Variants in KDM3B observed in about 807,000 individuals in gnomAD.
KDM3B encodes the protein lysine-specific demethylase 3B.
KDM3B carries 10 observed loss-of-function variants against 170.0 expected under a neutral mutation model. That is an observed-to-expected ratio of 0.06 (90% CI 0.04 to 0.10). The LOEUF (loss-of-function observed/expected upper bound fraction) is 0.10. KDM3B is among the 10% of genes least tolerant of loss of function. The pLI, the probability that KDM3B is intolerant of heterozygous loss-of-function variation, is 1.00. For missense variants in KDM3B, 1,394 were observed against 2,195.2 expected (o/e 0.64, Z 7.29); for synonymous variants, 831 against 834.8 (o/e 1.00, Z 0.08).
At chr5:138,365,270 C>CT (rs1359558754) in intron 1 of KDM3B, among the ~76,000 whole-genome samples, 1 of 151,506 alleles carries the variant, frequency 6.6e-6, no homozygotes, top group African/African-American at 2.4e-5. Flanking sequence ...TTCTTTCTTT[C>CT]TTTTTATGAG....
intron 15 of KDM3B, among the ~76,000 whole-genome samples, chr5:138,421,191 A>G (rs1763264449): frequency 6.6e-6 from 1 of 152,228 alleles, no homozygotes; most frequent in African/African-American, 2.4e-5. Flanking sequence ...TCAGCAGAAA[A>G]GTTAATACAT....
chr5:138,373,637 G>T (rs1005215507), intron 2 of KDM3B, among the ~76,000 whole-genome samples: 1 of 151,570 alleles, frequency 6.6e-6, no homozygotes, highest in Admixed American at 6.6e-5. Flanking sequence ...CGCACAGCAC[G>T]GCACCCAGCC....
intron 20 of KDM3B, among the ~76,000 whole-genome samples, chr5:138,428,952 T>A (rs1763464314): frequency 6.8e-6 from 1 of 146,790 alleles, no homozygotes; most frequent in Non-Finnish European, 1.5e-5. Context: ...TTTTTTTTTT[T>A]TTTTTTTTTT....
rs1761362345 is a variant in KDM3B at position 138,352,885 on chromosome 5, G to A, written c.90G>A (p.Ala30=). The change falls in exon 1 of 24, where the codon GCG becomes GCA. Residue 30 remains alanine (A), a synonymous_variant. Coordinates refer to ENST00000314358, the MANE Select transcript of KDM3B (RefSeq NM_016604.4). ...TAASASASAP[A]AAAASGDPGP... ...CCTCAGCCTCGGCCTCGGCTCCCGC[G>A]GCGGCAGCGGCGAGCGGAGATCCGG... 3 of 1,375,862 alleles carry A rather than the reference G, an allele frequency of 2.2e-6. No individual in the cohort carries two copies. The highest frequency in any genetic ancestry group is 1.5e-5 in the African/African-American group (1 of 65,980). 85.2% of individuals were successfully genotyped at this position (1,375,862 alleles called of 1,614,324 possible).
intron 1 of KDM3B, among the ~76,000 whole-genome samples, chr5:138,367,217 C>T (rs1436328074): frequency 6.6e-6 from 1 of 152,204 alleles, no homozygotes; most frequent in African/African-American, 2.4e-5. Flanking sequence ...CTGTTGGGCT[C>T]ATCTAGGGTG....
chr5:138,354,359 C>A (rs12153795), intron 1 of KDM3B, among the ~76,000 whole-genome samples: 2,479 of 152,286 alleles, frequency 0.016, 39 homozygotes, highest in Middle Eastern at 0.051. Context: ...CTCTATTCCT[C>A]TGCGCTTTCT....
At chr5:138,354,400 G>A (rs1474936986) in intron 1 of KDM3B, among the ~76,000 whole-genome samples, 1 of 152,194 alleles carries the variant, frequency 6.6e-6, no homozygotes, top group South Asian at 2.1e-4. Flanking sequence ...GAAAAGAAGT[G>A]TCCATTTCAG....
intron 16 of KDM3B, 56 bp downstream of exon 16, chr5:138,424,397 C>A: frequency 1.3e-6 from 2 of 1,553,914 alleles, no homozygotes; most frequent in Non-Finnish European, 1.7e-6. Flanking sequence ...ACCACAGATA[C>A]CTGGACAATT....
At chr5:138,371,619 A>G (rs1761878084) in intron 1 of KDM3B, among the ~76,000 whole-genome samples, 1 of 152,160 alleles carries the variant, frequency 6.6e-6, no homozygotes, top group South Asian at 2.1e-4. Context: ...TGTTGTGACT[A>G]CAGCAAGTGT....
intron 11 of KDM3B, among the ~76,000 whole-genome samples, chr5:138,414,791 A>G (rs1561787904): frequency 6.6e-6 from 1 of 152,128 alleles, no homozygotes; most frequent in African/African-American, 2.4e-5. Context: ...CTCCATCTCT[A>G]CAAAAAAATA....
chr5:138,428,830 G>C (rs1763459356), intron 20 of KDM3B, among the ~76,000 whole-genome samples: 1 of 151,564 alleles, frequency 6.6e-6, no homozygotes, highest in Non-Finnish European at 1.5e-5. Context: ...TATACTTCCT[G>C]CCATCTCAGT....
At chr5:138,357,824 A>G (rs1054144913) in intron 1 of KDM3B, among the ~76,000 whole-genome samples, 6 of 151,252 alleles carry the variant, frequency 4.0e-5, no homozygotes, top group African/African-American at 7.3e-5. Context: ...GGTTCAACCA[A>G]TTCTTCTGCC....
intron 11 of KDM3B, among the ~76,000 whole-genome samples, chr5:138,400,960 C>T (rs1762671223): frequency 1.3e-5 from 2 of 151,450 alleles, no homozygotes; most frequent in African/African-American, 4.9e-5. Context: ...TGTAGATTTG[C>T]CTATTCTGGA....
chr5:138,423,575 T>G (rs1388036263), intron 15 of KDM3B, among the ~76,000 whole-genome samples: 2 of 152,154 alleles, frequency 1.3e-5, no homozygotes, highest in African/African-American at 4.8e-5. Flanking sequence ...AGAATGTACT[T>G]CCTCTTGGAC....
intron 1 of KDM3B, among the ~76,000 whole-genome samples, chr5:138,360,096 T>C (rs1761558618): frequency 6.6e-6 from 1 of 152,192 alleles, no homozygotes; most frequent in African/African-American, 2.4e-5. Context: ...GTAATAATTA[T>C]AGTCAGGTTC....
chr5:138,414,322 C>T (rs1334761880), intron 11 of KDM3B, among the ~76,000 whole-genome samples: 1 of 152,186 alleles, frequency 6.6e-6, no homozygotes, highest in African/African-American at 2.4e-5. Flanking sequence ...ACCGCCACCA[C>T]ACCTGGCTAA....
At position 138,409,012 on chromosome 5, in the gene KDM3B, G is replaced by A. The variant is rs185492458; in HGVS notation, c.3200-6120G>A. 5.5e-4 allele frequency among the ~76,000 whole-genome samples: 83 copies of A among 152,256 alleles called. 3 individuals are homozygous for A. In the East Asian group the frequency reaches 0.015, roughly 28 times the overall value. On this transcript the variant is annotated intron_variant, in intron 11 of 23. Transcript: ENST00000314358. ...GCACAATGACCACAAAACAAAGTCT[G>A]AAAAGGCTCTTTGGAGAATGATAAT...
intron 6 of KDM3B, among the ~76,000 whole-genome samples, chr5:138,382,983 G>A (rs901195065): frequency 1.3e-5 from 2 of 152,156 alleles, no homozygotes; most frequent in Admixed American, 1.3e-4. Context: ...GAACTGGGGA[G>A]TACTGGTCTC....
intron 11 of KDM3B, among the ~76,000 whole-genome samples, chr5:138,413,340 A>G (rs1032117088): frequency 4.0e-5 from 6 of 151,050 alleles, no homozygotes; most frequent in Non-Finnish European, 8.9e-5. Context: ...CCGAGATCAC[A>G]CCACTGCACT....
Sources: gnomAD v4.1 joint callset for allele counts (sites outside exome capture counted in the v4.1 genomes callset) on GRCh38, gnomAD v4.1.1 for gene constraint, MANE v1.5 for transcripts, NCBI Gene and HGNC (gene_info 2026-07-23, HGNC 2026-07-21) for gene names.